LEF1: variants seen among roughly 807,000 people sequenced by gnomAD.
LEF1 encodes the protein lymphoid enhancer binding factor 1.
Under a neutral mutation model 51.2 loss-of-function variants are expected in LEF1, and 14 were observed. The observed-to-expected ratio is 0.27, with a 90% CI of 0.18 to 0.43. The LOEUF (loss-of-function observed/expected upper bound fraction) is 0.43. Among genes scored for constraint, LEF1 ranks in the 20% least tolerant of loss-of-function variants. The pLI, the probability that LEF1 is intolerant of heterozygous loss-of-function variation, is 1.00. For synonymous variants in LEF1, 185 were observed against 183.2 expected, an observed-to-expected ratio of 1.01 and a Z score of -0.08; for missense variants, 386 against 512.0, an observed-to-expected ratio of 0.75 and a Z score of 2.37.
At chr4:108,155,650 G>GCAGCACA (rs1209039879) in intron 3 of LEF1, among the ~76,000 whole-genome samples, 4 of 152,202 alleles carry the variant, frequency 2.6e-5, no homozygotes, top group Admixed American at 2.6e-4. Flanking sequence ...GCCACAGCTA[G>GCAGCACA]AAAACAGCGC....
chr4:108,163,183 C>A (rs1026991554), intron 3 of LEF1, among the ~76,000 whole-genome samples: 1 of 152,196 alleles, frequency 6.6e-6, no homozygotes, highest in Non-Finnish European at 1.5e-5. Flanking sequence ...TAAAGTAGCT[C>A]TGATTCTAGA....
chr4:108,146,964 T>C (rs1386671829), intron 3 of LEF1, among the ~76,000 whole-genome samples: 3 of 152,166 alleles, frequency 2.0e-5, no homozygotes, highest in South Asian at 2.1e-4. Context: ...AGTCCTTTGT[T>C]AGAGCTTCAG....
chr4:108,083,486 AG>A (rs760969630), intron 4 of LEF1, 40 bp from the exon 5 acceptor site: 2 of 1,341,346 alleles, frequency 1.5e-6, no homozygotes, highest in East Asian at 4.7e-5. Context: ...ACAGATTCAC[AG>A]GATATTTAAC....
At chr4:108,108,101 G>T (rs189583955) in intron 3 of LEF1, among the ~76,000 whole-genome samples, 8 of 152,284 alleles carry the variant, frequency 5.3e-5, no homozygotes, top group Admixed American at 5.2e-4. Flanking sequence ...TGCAAGTTTC[G>T]ATGAGACCCA....
intron 3 of LEF1, among the ~76,000 whole-genome samples, chr4:108,092,942 A>AAAAAAAAACAAC (rs1553952210): frequency 6.9e-6 from 1 of 144,962 alleles, no homozygotes; most frequent in Non-Finnish European, 1.5e-5. Flanking sequence ...AAAAAAAAAA[A>AAAAAAAAACAAC]AAAAAAAGAC....
intron 3 of LEF1, among the ~76,000 whole-genome samples, chr4:108,129,516 A>G (rs1742736372): frequency 6.6e-6 from 1 of 152,222 alleles, no homozygotes; most frequent in Admixed American, 6.5e-5. Context: ...GCTTTGTTCT[A>G]TAAAAACATG....
intron 11 of LEF1, among the ~76,000 whole-genome samples, chr4:108,056,372 T>G (rs1370700354): frequency 3.9e-5 from 6 of 152,210 alleles, no homozygotes; most frequent in African/African-American, 1.2e-4. Flanking sequence ...GTCCTTGGAT[T>G]CCACAAGATG....
intron 3 of LEF1, among the ~76,000 whole-genome samples, chr4:108,137,400 CAG>C (rs1206926439): frequency 1.3e-5 from 2 of 152,178 alleles, no homozygotes; most frequent in African/African-American, 2.4e-5. Context: ...GCAATTAAAA[CAG>C]AAAGTCCAAG....
intron 9 of LEF1, among the ~76,000 whole-genome samples, chr4:108,065,358 G>A (rs564724281): frequency 5.3e-5 from 8 of 152,174 alleles, no homozygotes; most frequent in South Asian, 4.1e-4. Flanking sequence ...GGTGGCGTGC[G>A]CCTGTAATCT....
rs374227990 is a variant in LEF1, at chr4:108,053,900, C to T, written c.*7-5149G>A. ...CCTCCCTCATCTACTCACCTCCAAA[C>T]GCTATCCAATCCACATTTCTCTCAA... On this transcript the variant is annotated intron_variant, in intron 11 of 11. Coordinates refer to ENST00000265165, the MANE Select transcript of LEF1 (RefSeq NM_016269.5). Among the ~76,000 whole-genome samples the T allele has an allele frequency of 4.6e-5, 7 of 152,222 alleles. No individual in the cohort carries two copies. The South Asian group carries it at 6.2e-4, about 14-fold the overall frequency.
intron 11 of LEF1, among the ~76,000 whole-genome samples, chr4:108,052,943 G>A (rs1160649848): frequency 6.6e-6 from 1 of 152,308 alleles, no homozygotes; most frequent in Admixed American, 6.5e-5. Flanking sequence ...AGGACACTGA[G>A]GCTACCTGAA....
chr4:108,062,894 C>T (rs1440997470), intron 11 of LEF1, among the ~76,000 whole-genome samples: 1 of 152,076 alleles, frequency 6.6e-6, no homozygotes, highest in Non-Finnish European at 1.5e-5. Context: ...GGTACACACC[C>T]TGCTAATTTA....
intron 3 of LEF1, among the ~76,000 whole-genome samples, chr4:108,091,453 GGAA>G (rs1195463221): frequency 5.3e-5 from 8 of 150,064 alleles, no homozygotes; most frequent in East Asian, 1.9e-4. Flanking sequence ...TACGGGGGGG[GGAA>G]AAAAAAGGAA....
chr4:108,158,276 G>T (rs1744852386), intron 3 of LEF1, among the ~76,000 whole-genome samples: 1 of 152,056 alleles, frequency 6.6e-6, no homozygotes, highest in Non-Finnish European at 1.5e-5. Flanking sequence ...AAATAAGTAA[G>T]GACATGTAAG....
chr4:108,122,178 C>G (rs1029208042), intron 3 of LEF1, among the ~76,000 whole-genome samples: 5 of 152,152 alleles, frequency 3.3e-5, no homozygotes, highest in Admixed American at 3.3e-4. Flanking sequence ...TGCTGATTTA[C>G]TAACTACTGA....
chr4:108,118,299 T>C (rs1290113893), intron 3 of LEF1, among the ~76,000 whole-genome samples: 1 of 152,256 alleles, frequency 6.6e-6, no homozygotes, highest in Non-Finnish European at 1.5e-5. Flanking sequence ...CTAGTCATCT[T>C]TTCACAAATC....
chr4:108,109,381 T>C (rs1036026726), intron 3 of LEF1, among the ~76,000 whole-genome samples: 9 of 152,166 alleles, frequency 5.9e-5, no homozygotes, highest in Non-Finnish European at 2.9e-5. Flanking sequence ...GTATGGAAGG[T>C]GATTAAGCAT....
intron 3 of LEF1, among the ~76,000 whole-genome samples, chr4:108,144,571 T>C (rs144609178): frequency 3.5e-4 from 54 of 152,266 alleles, no homozygotes; most frequent in African/African-American, 1.3e-3. Flanking sequence ...GTTTCATCAC[T>C]TGCACACACA....
chr4:108,097,159 T>C (rs1277749992), intron 3 of LEF1, among the ~76,000 whole-genome samples: 1 of 152,216 alleles, frequency 6.6e-6, no homozygotes, highest in Non-Finnish European at 1.5e-5. Context: ...GCAGCACTAT[T>C]CACAATAGCT....
Sources: gnomAD v4.1 joint callset for allele counts (sites outside exome capture counted in the v4.1 genomes callset) on GRCh38, gnomAD v4.1.1 for gene constraint, MANE v1.5 for transcripts, NCBI Gene and HGNC (gene_info 2026-07-23, HGNC 2026-07-21) for gene names.